Variants in FHIT observed in about 807,000 individuals in gnomAD.
FHIT encodes the protein fragile histidine triad diadenosine triphosphatase.
A neutral mutation model predicts 17.9 loss-of-function variants in FHIT; 19 were observed. That is an observed-to-expected ratio of 1.06 (90% CI 0.74 to 1.56). The LOEUF (loss-of-function observed/expected upper bound fraction) is 1.56. FHIT is among the 40% of genes most tolerant of loss of function. The probability of loss-of-function intolerance (pLI) is 0.00; values close to 1 mark genes in which losing one functional copy is unlikely to be tolerated. For missense variants in FHIT, 248 were observed against 189.2 expected (o/e 1.31, Z -1.82); for synonymous variants, 81 against 69.7 (o/e 1.16, Z -0.81).
At chr3:60,806,349 C>G (rs1442474812) in intron 4 of FHIT, among the ~76,000 whole-genome samples, 1 of 152,178 alleles carries the variant, frequency 6.6e-6, no homozygotes, top group African/African-American at 2.4e-5. Flanking sequence ...AGGAGGCTCA[C>G]TTTGGTCCTT....
At chr3:60,863,110 C>A (rs553576742) in intron 3 of FHIT, among the ~76,000 whole-genome samples, 16 of 151,976 alleles carry the variant, frequency 1.1e-4, no homozygotes, top group Non-Finnish European at 1.9e-4. Flanking sequence ...AAGTCAGATT[C>A]CAAACACAAG....
intron 5 of FHIT, among the ~76,000 whole-genome samples, chr3:60,311,250 C>CGTGTGTGTGTGTGT (rs10621849): frequency 6.6e-6 from 1 of 150,826 alleles, no homozygotes; most frequent in Non-Finnish European, 1.5e-5. Flanking sequence ...TCTACCCCAA[C>CGTGTGTGTGTGTGT]GTGTGTGTGT....
At chr3:60,655,521 T>C (rs1281141659) in intron 4 of FHIT, among the ~76,000 whole-genome samples, 1 of 152,152 alleles carries the variant, frequency 6.6e-6, no homozygotes, top group Non-Finnish European at 1.5e-5. Context: ...ATGAGACACA[T>C]CATTTTATCT....
At chr3:60,585,981 A>G (rs2037893013) in intron 4 of FHIT, among the ~76,000 whole-genome samples, 1 of 152,004 alleles carries the variant, frequency 6.6e-6, no homozygotes, top group South Asian at 2.1e-4. Flanking sequence ...TATTATCCAT[A>G]CATTTTAAAA....
At chr3:60,012,686 G>A (rs780764802) in intron 6 of FHIT, among the ~76,000 whole-genome samples, 1 of 152,096 alleles carries the variant, frequency 6.6e-6, no homozygotes, top group Non-Finnish European at 1.5e-5. Context: ...TCATATATGT[G>A]TGTCAGGGGA....
At chr3:60,403,026 T>C (rs1035042781) in intron 5 of FHIT, among the ~76,000 whole-genome samples, 14 of 152,198 alleles carry the variant, frequency 9.2e-5, no homozygotes, top group African/African-American at 3.1e-4. Context: ...AACAAAGGTT[T>C]TGACTGGTTC....
At chr3:60,380,654 A>T (rs780201613) in intron 5 of FHIT, among the ~76,000 whole-genome samples, 1 of 152,144 alleles carries the variant, frequency 6.6e-6, no homozygotes, top group Non-Finnish European at 1.5e-5. Context: ...TACACGTCCA[A>T]GTTTAGTTGT....
intron 2 of FHIT, among the ~76,000 whole-genome samples, chr3:61,148,116 T>C (rs890597010): frequency 2.6e-5 from 4 of 151,788 alleles, no homozygotes; most frequent in Non-Finnish European, 5.9e-5. Context: ...GATGAGACTA[T>C]CGATGATTTA....
At chr3:60,042,897 G>A (rs1437463009) in intron 5 of FHIT, among the ~76,000 whole-genome samples, 1 of 152,130 alleles carries the variant, frequency 6.6e-6, no homozygotes, top group African/African-American at 2.4e-5. Context: ...ATTTCAAAGA[G>A]GAAAGGTACC....
intron 5 of FHIT, among the ~76,000 whole-genome samples, chr3:60,169,142 T>C (rs954508804): frequency 1.3e-5 from 2 of 152,198 alleles, no homozygotes; most frequent in Non-Finnish European, 2.9e-5. Flanking sequence ...CAAAATTGTG[T>C]GTGCCAAAAT....
At chr3:60,168,846 T>C (rs1701295588) in intron 5 of FHIT, among the ~76,000 whole-genome samples, 2 of 149,072 alleles carry the variant, frequency 1.3e-5, no homozygotes, top group Non-Finnish European at 3.0e-5. Flanking sequence ...TGAAGATTCT[T>C]CCTTTCTCTC....
At chr3:60,622,483 C>G (rs542654615) in intron 4 of FHIT, among the ~76,000 whole-genome samples, 1 of 152,162 alleles carries the variant, frequency 6.6e-6, no homozygotes, top group East Asian at 1.9e-4. Flanking sequence ...ATATAGTAAA[C>G]CCAGTGCTGA....
At chr3:60,842,564 T>C (rs1368585265) in intron 3 of FHIT, among the ~76,000 whole-genome samples, 7 of 147,294 alleles carry the variant, frequency 4.8e-5, no homozygotes, top group African/African-American at 1.7e-4. Flanking sequence ...AGAAAGTTAC[T>C]TAAGCTTATT....
At chr3:59,876,021 G>A (rs1357246264) in intron 8 of FHIT, among the ~76,000 whole-genome samples, 1 of 151,792 alleles carries the variant, frequency 6.6e-6, no homozygotes, top group Non-Finnish European at 1.5e-5. Context: ...CTTTATTCCA[G>A]TATAGAGACA....
At chr3:60,515,220 T>C (rs1289287225) in intron 5 of FHIT, among the ~76,000 whole-genome samples, 1 of 152,142 alleles carries the variant, frequency 6.6e-6, no homozygotes, top group East Asian at 1.9e-4. Context: ...AAACCAACTG[T>C]AGGCCTGATG....
Position 61,022,825 on chromosome 3 carries a change from G to A in FHIT, c.-111+19222C>T, listed in dbSNP as rs546811909. Among the ~76,000 whole-genome samples the A allele has an allele frequency of 7.2e-5, 11 of 152,230 alleles. No individual in the cohort carries two copies. The South Asian group carries it at 1.9e-3, about 26-fold the overall frequency. ...CATGCTAAAAACGCTCAATAAACTA[G>A]GTATTGATGGAACAGATCTCAAAAT... On this transcript the variant is annotated intron_variant, in intron 3 of 9. Transcript: ENST00000492590.
At chr3:60,301,257 A>C (rs1032928570) in intron 5 of FHIT, among the ~76,000 whole-genome samples, 1 of 152,164 alleles carries the variant, frequency 6.6e-6, no homozygotes, top group African/African-American at 2.4e-5. Context: ...GCATTGCTTC[A>C]TAAGGTCAAG....
At chr3:61,220,580 A>T (rs898902020) in intron 1 of FHIT, among the ~76,000 whole-genome samples, 1 of 152,210 alleles carries the variant, frequency 6.6e-6, no homozygotes, top group African/African-American at 2.4e-5. Flanking sequence ...GCTAATCAAT[A>T]TTGTTAAAAT....
intron 2 of FHIT, among the ~76,000 whole-genome samples, chr3:61,066,467 T>G (rs1302895315): frequency 6.6e-6 from 1 of 152,006 alleles, no homozygotes; most frequent in African/African-American, 2.4e-5. Flanking sequence ...TACAAAAAAT[T>G]AGCCTTGCGT....
Sources: gnomAD v4.1 joint callset for allele counts (sites outside exome capture counted in the v4.1 genomes callset) on GRCh38, gnomAD v4.1.1 for gene constraint, MANE v1.5 for transcripts, NCBI Gene and HGNC (gene_info 2026-07-23, HGNC 2026-07-21) for gene names.